The following PAPPA variants were observed in gnomAD, a reference collection of about 807,000 sequenced individuals.
PAPPA encodes pappalysin-1.
PAPPA carries 60 observed loss-of-function variants against 164.0 expected under a neutral mutation model. That is an observed-to-expected ratio of 0.37 (90% confidence interval 0.30 to 0.45). The LOEUF is 0.45. Among genes scored for constraint, PAPPA ranks in the 20% least tolerant of loss-of-function variants. PAPPA has a pLI of 1.00. For synonymous variants in PAPPA, 875 were observed against 814.1 expected (o/e 1.07, Z -1.27); for missense variants, 1,782 against 2,087.3 (o/e 0.85, Z 2.85).
At chr9:116,172,260 C>T (rs1249868759) in intron 1 of PAPPA, among the ~76,000 whole-genome samples, 1 of 152,162 alleles carries the variant, frequency 6.6e-6, no homozygotes, top group Non-Finnish European at 1.5e-5. Flanking sequence ...ACCCCTCCAC[C>T]ATAAACCTCT....
chr9:116,171,219 C>G (rs1176898211), intron 1 of PAPPA, among the ~76,000 whole-genome samples: 1 of 152,170 alleles, frequency 6.6e-6, no homozygotes, highest in Non-Finnish European at 1.5e-5. Flanking sequence ...CTCTGGGACT[C>G]TTTTTTCCCA....
In PAPPA at chr9:116,351,412, G is replaced by C. The variant is rs72754282; in HGVS notation, c.3965-1294G>C. 3.4e-3 allele frequency among the ~76,000 whole-genome samples: 522 copies of C among 152,320 alleles called. 2 individuals carry two copies. The highest frequency in any genetic ancestry group is 6.1e-3 in the Non-Finnish European group (413 of 68,024). On this transcript the variant is annotated intron_variant, in intron 15 of 21. Transcript: ENST00000328252. ...GAAGGAAAGAAGTTAAGAAGCAAAC[G>C]AAGACATTGACAACACTTTTATAGG...
intron 1 of PAPPA, among the ~76,000 whole-genome samples, chr9:116,185,154 G>C (rs1052961978): frequency 6.6e-6 from 1 of 152,206 alleles, no homozygotes; most frequent in Non-Finnish European, 1.5e-5. Flanking sequence ...ATGTGACACA[G>C]AACCTTACTT....
intron 6 of PAPPA, among the ~76,000 whole-genome samples, chr9:116,234,222 A>G (rs1179393422): frequency 1.3e-5 from 2 of 152,132 alleles, no homozygotes; most frequent in African/African-American, 2.4e-5. Flanking sequence ...GCAGAGAAAA[A>G]TTCAGAAGTC....
rs1847024207 is a variant in PAPPA, at chr9:116,399,903, G to A, written c.*3287G>A. ...TGGTCTTATTCCCATCCTGGCCAATGCTTAAATACTATTTGTTGAAAATAA... is the reference window on the plus strand; with the variant it reads ...TGGTCTTATTCCCATCCTGGCCAATACTTAAATACTATTTGTTGAAAATAA... On this transcript the variant is annotated 3_prime_UTR_variant, in exon 22 of 22. Transcript: ENST00000328252. 6.6e-6 allele frequency: 1 copy of A among 152,548 alleles called. No homozygotes were observed. 9.4% of individuals were successfully genotyped at this position (152,548 alleles called of 1,614,324 possible).
chr9:116,172,355 C>T (rs554006111), intron 1 of PAPPA, among the ~76,000 whole-genome samples: 5 of 152,302 alleles, frequency 3.3e-5, no homozygotes, highest in South Asian at 2.1e-4. Context: ...AACTTTCCCT[C>T]GTTGCTTCCA....
intron 10 of PAPPA, among the ~76,000 whole-genome samples, chr9:116,314,061 T>A (rs1488980156): frequency 5.1e-5 from 3 of 58,388 alleles, no homozygotes; most frequent in Admixed American, 1.7e-4. Flanking sequence ...GCATCGAATC[T>A]TTTTTTTTTT....
At chr9:116,250,584 C>T (rs1844849179) in intron 7 of PAPPA, among the ~76,000 whole-genome samples, 1 of 152,276 alleles carries the variant, frequency 6.6e-6, no homozygotes, top group South Asian at 2.1e-4. Context: ...GAGCTAAGCT[C>T]TGTGTATACG....
chr9:116,216,366 GC>G (rs1844371678), intron 4 of PAPPA, among the ~76,000 whole-genome samples: 1 of 152,194 alleles, frequency 6.6e-6, no homozygotes, highest in Non-Finnish European at 1.5e-5. Flanking sequence ...CATGCAGTGT[GC>G]CCTTTCAGCC....
In PAPPA at chr9:116,271,362, A is replaced by C. The variant is rs1449707864; in HGVS notation, c.2899A>C (p.Asn967His). 6.2e-7 allele frequency: 1 copy of C among 1,613,936 alleles called. No homozygotes were observed. Among genetic ancestry groups the C allele is most frequent in the African/African-American group, 1.3e-5 (1 of 74,930 alleles). The change falls in exon 9 of 22, where the codon AAT (asparagine) becomes CAT (histidine). Residue 967 changes from asparagine (N) to histidine (H), a missense_variant. Physicochemically the swap from Asn to His is moderately conservative, Grantham distance 68. Around this residue, in one of 2 missense-constraint regions of PAPPA, gnomAD observed 1,324 missense variants for 1,656.9 expected, o/e 0.80. Coordinates refer to ENST00000328252, the MANE Select transcript of PAPPA (RefSeq NM_002581.5). The surrounding 1 kb of genome is among the most constrained non-coding windows in gnomAD (Gnocchi z 4.2). ...ACAATGCGACGACATGAATAAGATC[A>C]ATGGTGATGGCTGCTCCCTTTTCTG... ...GEQCDDMNKI[N>H]GDGCSLFCRQ...
At chr9:116,317,106 G>A (rs1476355884) in intron 10 of PAPPA, among the ~76,000 whole-genome samples, 2 of 152,230 alleles carry the variant, frequency 1.3e-5, no homozygotes, top group African/African-American at 2.4e-5. Flanking sequence ...AAAGGGGGAA[G>A]AGGGGAGGAA....
intron 9 of PAPPA, among the ~76,000 whole-genome samples, chr9:116,294,265 T>C (rs1845474298): frequency 6.6e-6 from 1 of 152,176 alleles, no homozygotes; most frequent in Admixed American, 6.5e-5. Context: ...TTCTGGCCCA[T>C]GTGGGTATGT....
Position 116,396,553 on chromosome 9 carries a change from T to A in PAPPA, c.4821T>A (p.Ala1607=). 1 of 780,872 alleles carries A rather than the reference T, an allele frequency of 1.3e-6. No homozygotes were observed. The highest frequency in any genetic ancestry group is 2.4e-6 in the Non-Finnish European group (1 of 418,018). The allele number at this position is 780,872 out of a possible 1,614,324, so 48.4% of individuals were successfully genotyped here. A position where few individuals can be genotyped will look rare whatever the true frequency, so the allele number is the denominator to read the frequency against. ...PMSCDLQGDC[A]CRDPQAQEHS... is the part of the protein sequence containing the mutation. ...CCTGTGATCTACAAGGTGACTGTGC[T>A]TGTCGGGACCCCCAGGCCCAAGAAC... Residue 1607 remains alanine (A), a synonymous_variant, in exon 22 of 22, where the codon GCT becomes GCA. Coordinates refer to ENST00000328252, the MANE Select transcript of PAPPA (RefSeq NM_002581.5).
chr9:116,237,840 C>T (rs892203298), intron 7 of PAPPA, among the ~76,000 whole-genome samples: 1 of 152,034 alleles, frequency 6.6e-6, no homozygotes, highest in Non-Finnish European at 1.5e-5. Context: ...CTGCCTCAGC[C>T]TCCTGAGTAG....
intron 6 of PAPPA, among the ~76,000 whole-genome samples, chr9:116,234,885 C>T (rs1844640817): frequency 6.6e-6 from 1 of 152,148 alleles, no homozygotes; most frequent in Non-Finnish European, 1.5e-5. Flanking sequence ...AAAGTTTGAA[C>T]ATTGACTCGG....
At chr9:116,273,697 C>T (rs779516381) in intron 9 of PAPPA, among the ~76,000 whole-genome samples, 12 of 152,022 alleles carry the variant, frequency 7.9e-5, no homozygotes, top group Non-Finnish European at 1.5e-4. Context: ...TCACTTGAAC[C>T]CAGGAGACGG....
rs1279042553 is a variant in PAPPA at position 116,382,463 on chromosome 9, T to C, written c.4746T>C (p.Asp1582=). The C allele has an allele frequency of 4.3e-6, 7 of 1,613,470 alleles. No individual in the cohort carries two copies. Among genetic ancestry groups the C allele is most frequent in the Middle Eastern group, 1.6e-4 (1 of 6,062 alleles). ...CCTTTTGCAACTATGACGGTGGGGA[T>C]TGCTGCACCTCCACAGTGAAGACCA... The part of the protein sequence containing the change: ...NRAFCNYDGG[D]CCTSTVKTKK... The change falls in exon 21 of 22, where the codon GAT becomes GAC. Residue 1582 remains aspartate, a synonymous_variant. Coordinates refer to ENST00000328252, the MANE Select transcript of PAPPA (RefSeq NM_002581.5).
chr9:116,222,323 A>T (rs1204683649), intron 5 of PAPPA, among the ~76,000 whole-genome samples: 1 of 152,238 alleles, frequency 6.6e-6, no homozygotes, highest in Admixed American at 6.5e-5. Flanking sequence ...ATGACAAAAA[A>T]GTAATATGTA....
intron 7 of PAPPA, among the ~76,000 whole-genome samples, chr9:116,247,087 C>A (rs1482101443): frequency 6.6e-6 from 1 of 152,064 alleles, no homozygotes; most frequent in Non-Finnish European, 1.5e-5. Context: ...GATGATGGGT[C>A]TTGATCATCC....
Sources: allele counts gnomAD v4.1 joint callset (sites outside exome capture counted in the v4.1 genomes callset), GRCh38; gene constraint gnomAD v4.1.1; regional missense constraint gnomAD v4.1.1; non-coding constraint Gnocchi (gnomAD v3.1); transcripts MANE v1.5; gene names NCBI Gene and HGNC (gene_info 2026-07-23, HGNC 2026-07-21).